The following MTHFD1L variants were observed in gnomAD, a reference collection of about 807,000 sequenced individuals.
MTHFD1L encodes monofunctional C1-tetrahydrofolate synthase, mitochondrial.
In MTHFD1L, 81 loss-of-function variants were observed where a neutral mutation model predicts 119.5. That is an observed-to-expected ratio of 0.68 (90% CI 0.57 to 0.82). The LOEUF is 0.82. Ranked by LOEUF, MTHFD1L falls within the 40% of genes least tolerant of loss-of-function variation. The pLI, the probability that MTHFD1L is intolerant of heterozygous loss-of-function variation, is 0.00. For missense variants in MTHFD1L, 1,125 were observed against 1,253.4 expected (o/e 0.90, Z 1.55); for synonymous variants, 430 against 475.2 (o/e 0.90, Z 1.24).
chr6:150,866,508 GA>G lies in MTHFD1L; in HGVS notation c.227+460del, dbSNP rs1778353732. 3.1e-6 allele frequency: 4 copies of G among 1,298,492 alleles called. No homozygotes were observed. In the South Asian group the frequency reaches 6.8e-5, roughly 22 times the overall value. 80.4% of individuals were successfully genotyped at this position (1,298,492 alleles called of 1,614,324 possible). ...TTCGGGAAGGGCAAGCGGAGCTCGG[GA>G]GAGGCGGGCTCGGGCCCAGCGCCGC... On this transcript the variant is annotated intron_variant, in intron 1 of 27. Coordinates refer to ENST00000367321, the MANE Select transcript of MTHFD1L (RefSeq NM_015440.5).
chr6:150,891,386 C>CAT lies in MTHFD1L; in HGVS notation c.780+3418_780+3419dup, dbSNP rs60950948. Among the ~76,000 whole-genome samples, 260 of 148,866 alleles carry CAT rather than the reference C, an allele frequency of 1.7e-3. 1 individual carries two copies. Among genetic ancestry groups the CAT allele is most frequent in the African/African-American group, 4.3e-3 (174 of 40,716 alleles). On this transcript the variant is annotated intron_variant, in intron 7 of 27. Transcript: ENST00000367321. ...TTATATGTGTCTGAAAGCAACACAACATATATATATATATGTAATCTAATA... is the reference window on the plus strand; with the variant it reads ...TTATATGTGTCTGAAAGCAACACAACATATATATATATATATGTAATCTAATA...
At chr6:151,006,857 T>A in intron 20 of MTHFD1L, among the ~76,000 whole-genome samples, 1 of 152,034 alleles carries the variant, frequency 6.6e-6, no homozygotes, top group East Asian at 1.9e-4. Flanking sequence ...GATCACTTGA[T>A]CAGCCCCCGT....
intron 24 of MTHFD1L, among the ~76,000 whole-genome samples, chr6:151,028,198 C>A (rs962918593): frequency 2.0e-5 from 3 of 152,100 alleles, no homozygotes; most frequent in African/African-American, 7.2e-5. Flanking sequence ...GCTTGTCCTA[C>A]AGGAAGTAAA....
intron 24 of MTHFD1L, among the ~76,000 whole-genome samples, chr6:151,023,266 C>T (rs1409316975): frequency 6.6e-6 from 1 of 152,006 alleles, no homozygotes; most frequent in Non-Finnish European, 1.5e-5. Flanking sequence ...GGGCTGGTCT[C>T]GAACTCCTGA....
At chr6:150,934,171 G>A (rs1351645722) in intron 11 of MTHFD1L, among the ~76,000 whole-genome samples, 1 of 152,180 alleles carries the variant, frequency 6.6e-6, no homozygotes, top group African/African-American at 2.4e-5. Context: ...GTGACTGTCG[G>A]CAAGTTGCTT....
chr6:150,933,542 C>T (rs1482199122), intron 11 of MTHFD1L, among the ~76,000 whole-genome samples: 4 of 152,038 alleles, frequency 2.6e-5, no homozygotes, highest in African/African-American at 9.7e-5. Context: ...ACTGATAAGC[C>T]GGGGTCATGT....
intron 8 of MTHFD1L, among the ~76,000 whole-genome samples, chr6:150,909,511 T>C (rs1415481070): frequency 1.3e-5 from 2 of 152,200 alleles, no homozygotes; most frequent in African/African-American, 2.4e-5. Flanking sequence ...CAAAAAGTGC[T>C]GAGATTACTG....
intron 13 of MTHFD1L, 126 bp from the exon 14 acceptor site, chr6:150,944,360 A>T: frequency 1.5e-6 from 1 of 689,256 alleles, no homozygotes; most frequent in Non-Finnish European, 2.5e-6. Flanking sequence ...AGGTGAGAGG[A>T]TTGCTTGAGC....
At position 151,065,707 on chromosome 6, in the gene MTHFD1L, T is replaced by G. The variant is rs60275094; in HGVS notation, c.2848-26760T>G. Among the ~76,000 whole-genome samples the G allele has an allele frequency of 9.0e-3, 1,371 of 152,382 alleles. 56 individuals carry two copies. The South Asian group carries it at 0.12, about 13-fold the overall frequency. On this transcript the variant is annotated intron_variant, in intron 26 of 27. Coordinates refer to ENST00000367321, the MANE Select transcript of MTHFD1L (RefSeq NM_015440.5). ...CCTGCCAGGCTCTGTTGGCCTCATG[T>G]GCCCTGTCCTAATCCACCACTGTGC...
intron 1 of MTHFD1L, among the ~76,000 whole-genome samples, chr6:150,869,672 A>G (rs1028357006): frequency 1.3e-5 from 2 of 151,210 alleles, no homozygotes; most frequent in Admixed American, 6.6e-5. Context: ...GTACCTTTCA[A>G]TTGAGTTATG....
chr6:151,046,248 G>A (rs1287235615), intron 26 of MTHFD1L, among the ~76,000 whole-genome samples: 1 of 151,660 alleles, frequency 6.6e-6, no homozygotes, highest in African/African-American at 2.4e-5. Flanking sequence ...TAATCCCTGT[G>A]TATTAGTTCT....
At chr6:150,873,272 G>A (rs1220243210) in intron 1 of MTHFD1L, among the ~76,000 whole-genome samples, 1 of 152,042 alleles carries the variant, frequency 6.6e-6, no homozygotes, top group East Asian at 1.9e-4. Flanking sequence ...CCGAGATCGT[G>A]CCACTGCCCT....
At chr6:150,977,983 C>T (rs1776855551) in intron 20 of MTHFD1L, among the ~76,000 whole-genome samples, 1 of 151,184 alleles carries the variant, frequency 6.6e-6, no homozygotes, top group Non-Finnish European at 1.5e-5. Context: ...TCACGGTGAC[C>T]TCCACCTCCC....
At chr6:151,048,669 G>T (rs911806454) in intron 26 of MTHFD1L, among the ~76,000 whole-genome samples, 8 of 152,100 alleles carry the variant, frequency 5.3e-5, no homozygotes, top group African/African-American at 1.9e-4. Flanking sequence ...AGTTCTTTTG[G>T]GATCAATGTG....
intron 5 of MTHFD1L, among the ~76,000 whole-genome samples, chr6:150,885,431 T>C (rs1199250017): frequency 6.6e-6 from 1 of 152,124 alleles, no homozygotes; most frequent in African/African-American, 2.4e-5. Flanking sequence ...CCTGACCTCA[T>C]GTGATCCACC....
chr6:150,868,365 A>G (rs1274333135), intron 1 of MTHFD1L, among the ~76,000 whole-genome samples: 1 of 149,108 alleles, frequency 6.7e-6, no homozygotes, highest in Non-Finnish European at 1.5e-5. Flanking sequence ...TTTGAGACGG[A>G]ATCTCACTCT....
Position 151,057,290 on chromosome 6 carries a change from A to C in MTHFD1L, c.2847+20173A>C, listed in dbSNP as rs942303465. ...AATCAACCTCCCCTTTCTGGAATGG[A>C]CATATGGAAAATTGGAGGCAAAATA... On this transcript the variant is annotated intron_variant, in intron 26 of 27. Coordinates refer to ENST00000367321, the MANE Select transcript of MTHFD1L (RefSeq NM_015440.5). 2.0e-5 allele frequency: 20 copies of C among 985,266 alleles called. No individual in the cohort carries two copies. The African/African-American group carries it at 3.3e-4, about 16-fold the overall frequency. 61.0% of individuals were successfully genotyped at this position (985,266 alleles called of 1,614,324 possible).
intron 20 of MTHFD1L, among the ~76,000 whole-genome samples, chr6:150,978,660 C>T (rs11155765): frequency 0.44 from 66,144 of 151,998 alleles, 16,689 homozygotes; most frequent in African/African-American, 0.66. Flanking sequence ...AAAACGCCCC[C>T]GTTTCTGAGC....
chr6:150,867,311 C>T (rs1778568600), intron 1 of MTHFD1L, among the ~76,000 whole-genome samples: 1 of 152,154 alleles, frequency 6.6e-6, no homozygotes, highest in African/African-American at 2.4e-5. Context: ...CCCGCCTTAG[C>T]CTCCAGTGTA....
Sources: allele counts gnomAD v4.1 joint callset (sites outside exome capture counted in the v4.1 genomes callset), GRCh38; gene constraint gnomAD v4.1.1; transcripts MANE v1.5; gene names NCBI Gene and HGNC (gene_info 2026-07-23, HGNC 2026-07-21).